Variants in SUMF1 observed in about 807,000 individuals in gnomAD.
SUMF1 encodes formylglycine-generating enzyme.
Under a neutral mutation model 47.6 loss-of-function variants are expected in SUMF1, and 48 were observed. That is an observed-to-expected ratio of 1.01 (90% confidence interval 0.80 to 1.28). The LOEUF is 1.28. Among genes scored for constraint, SUMF1 ranks in the 50% most tolerant of loss-of-function variants. The probability of loss-of-function intolerance (pLI) is 0.00; values close to 1 mark genes in which losing one functional copy is unlikely to be tolerated. For missense variants in SUMF1, 571 were observed against 485.4 expected, an observed-to-expected ratio of 1.18 and a Z score of -1.66; for synonymous variants, 230 against 192.1, an observed-to-expected ratio of 1.20 and a Z score of -1.63.
intron 1 of SUMF1, 109 bp downstream of exon 1, chr3:4,466,867 T>A: frequency 3.4e-6 from 5 of 1,466,254 alleles, no homozygotes; most frequent in Non-Finnish European, 4.6e-6. Context: ...CGATTTGGGG[T>A]GTGGTTATAA....
chr3:4,143,888 C>T (rs951726951), intron 8 of SUMF1, among the ~76,000 whole-genome samples: 1 of 151,886 alleles, frequency 6.6e-6, no homozygotes, highest in African/African-American at 2.4e-5. Context: ...TCTTAATATA[C>T]ATTCTAACCA....
chr3:4,354,567 G>A (rs1166735149), intron 8 of SUMF1, among the ~76,000 whole-genome samples: 5 of 152,280 alleles, frequency 3.3e-5, no homozygotes, highest in Non-Finnish European at 7.4e-5. Flanking sequence ...GACCGCGCAG[G>A]ATCAGGTATT....
At chr3:4,163,342 G>C (rs1694622187) in intron 8 of SUMF1, among the ~76,000 whole-genome samples, 1 of 92,930 alleles carries the variant, frequency 1.1e-5, no homozygotes, top group African/African-American at 4.0e-5. Flanking sequence ...ATGAGAGAGA[G>C]AGAGAGACAG....
chr3:4,295,336 G>C (rs73806986), intron 8 of SUMF1, among the ~76,000 whole-genome samples: 10,344 of 151,972 alleles, frequency 0.068, 820 homozygotes, highest in African/African-American at 0.19. Flanking sequence ...TTATCCTGTA[G>C]ATACTTGTAG....
intron 1 of SUMF1, among the ~76,000 whole-genome samples, chr3:4,460,970 C>A (rs993639409): frequency 1.3e-5 from 2 of 152,064 alleles, no homozygotes; most frequent in Non-Finnish European, 2.9e-5. Context: ...TATCTTAATT[C>A]TGTGTTTTCA....
intron 8 of SUMF1, among the ~76,000 whole-genome samples, chr3:4,139,134 A>G (rs1372809500): frequency 6.6e-6 from 1 of 152,168 alleles, no homozygotes; most frequent in Non-Finnish European, 1.5e-5. Flanking sequence ...TTGTATTGAT[A>G]GTCATTACAT....
chr3:4,203,861 G>A (rs923655502), intron 8 of SUMF1, among the ~76,000 whole-genome samples: 4 of 151,476 alleles, frequency 2.6e-5, no homozygotes, highest in Admixed American at 6.6e-5. Context: ...GCAAACAGAA[G>A]ACTAAAAAAA....
intron 8 of SUMF1, among the ~76,000 whole-genome samples, chr3:4,282,865 T>C (rs1697557011): frequency 6.6e-6 from 1 of 152,216 alleles, no homozygotes; most frequent in Non-Finnish European, 1.5e-5. Context: ...TCTTCATTGA[T>C]TGACTACTCT....
At chr3:4,212,133 G>C (rs1020855457) in intron 8 of SUMF1, among the ~76,000 whole-genome samples, 18 of 152,308 alleles carry the variant, frequency 1.2e-4, no homozygotes, top group Middle Eastern at 3.4e-3. Context: ...TATCCTGACT[G>C]GGAGACACCT....
chr3:4,182,149 G>A (rs1435719596), intron 8 of SUMF1, among the ~76,000 whole-genome samples: 3 of 152,050 alleles, frequency 2.0e-5, no homozygotes, highest in Non-Finnish European at 4.4e-5. Flanking sequence ...AGCTTTATAA[G>A]TTTTACTTAA....
At chr3:4,375,882 C>T (rs1700311294) in intron 8 of SUMF1, among the ~76,000 whole-genome samples, 1 of 152,194 alleles carries the variant, frequency 6.6e-6, no homozygotes, top group South Asian at 2.1e-4. Context: ...ACAAGGCACA[C>T]TTTGTACCTA....
intron 8 of SUMF1, among the ~76,000 whole-genome samples, chr3:4,309,052 A>G (rs11925407): frequency 0.012 from 1,876 of 152,318 alleles, 20 homozygotes; most frequent in African/African-American, 0.038. Flanking sequence ...AGTTGGAAGC[A>G]GAGGCTTCCA....
At chr3:4,167,638 T>C (rs939119451) in intron 8 of SUMF1, among the ~76,000 whole-genome samples, 1 of 152,104 alleles carries the variant, frequency 6.6e-6, no homozygotes, top group African/African-American at 2.4e-5. Context: ...ACAGAAAAGT[T>C]CTCCAAGTCC....
At chr3:4,081,734 T>C (rs918962093) in intron 8 of SUMF1, among the ~76,000 whole-genome samples, 14 of 152,304 alleles carry the variant, frequency 9.2e-5, no homozygotes, top group African/African-American at 3.1e-4. Flanking sequence ...TGGTCAATTG[T>C]ATGTGTGGAC....
At position 4,341,548 on chromosome 3, in the gene SUMF1, T is replaced by C. The variant is rs577973408; in HGVS notation, c.1014+34782A>G. On this transcript the variant is annotated intron_variant and NMD_transcript_variant, in intron 8 of 12. Coordinates refer to the SUMF1 transcript ENST00000448413. ...AATAGTGTTATATCCAATAGACATC[T>C]TTTTTTAAAAAAATTCCAGAATTTT... Among the ~76,000 whole-genome samples the C allele has an allele frequency of 9.2e-5, 14 of 152,252 alleles. No homozygotes were observed. In the South Asian group the frequency reaches 2.9e-3, roughly 32 times the overall value.
chr3:4,149,454 G>A (rs190591942), intron 8 of SUMF1, among the ~76,000 whole-genome samples: 3 of 152,214 alleles, frequency 2.0e-5, no homozygotes, highest in Non-Finnish European at 2.9e-5. Flanking sequence ...CTCAATGCTT[G>A]CAACACCTCT....
intron 8 of SUMF1, among the ~76,000 whole-genome samples, chr3:4,309,869 T>C (rs909603735): frequency 4.6e-5 from 7 of 152,244 alleles, no homozygotes; most frequent in Admixed American, 1.3e-4. Flanking sequence ...AGTTATTATT[T>C]AACTATGGGG....
At chr3:4,379,636 G>A (rs1700436601) in intron 7 of SUMF1, among the ~76,000 whole-genome samples, 1 of 151,198 alleles carries the variant, frequency 6.6e-6, no homozygotes, top group South Asian at 2.1e-4. Context: ...AAGGTCAAGA[G>A]ATGGAGCCCA....
rs73806979 is a variant in SUMF1 at position 4,287,430 on chromosome 3, A to G, written c.1014+88900T>C. On this transcript the variant is annotated intron_variant and NMD_transcript_variant, in intron 8 of 12. Transcript: ENST00000448413. ...TGTAAAAAAAAAAAATCTTTCACAC[A>G]TTTCCTTACTAATGGGATGTGTGTG... Among the ~76,000 whole-genome samples the G allele has an allele frequency of 6.8e-3, 1,037 of 152,186 alleles. 16 individuals carry two copies. The highest frequency in any genetic ancestry group is 0.024 in the African/African-American group (996 of 41,528).
Sources: allele counts gnomAD v4.1 joint callset (sites outside exome capture counted in the v4.1 genomes callset), GRCh38; gene constraint gnomAD v4.1.1; transcripts MANE v1.5; gene names NCBI Gene and HGNC (gene_info 2026-07-23, HGNC 2026-07-21).